CTR9: variants seen among roughly 807,000 people sequenced by gnomAD.
CTR9 encodes RNA polymerase-associated protein CTR9 homolog.
A neutral mutation model predicts 152.1 loss-of-function variants in CTR9; 41 were observed. The observed-to-expected ratio is 0.27, with a 90% CI of 0.21 to 0.35. CTR9 has a LOEUF of 0.35. CTR9 is among the 10% of genes least tolerant of loss of function. The pLI is 1.00. For synonymous variants in CTR9, 476 were observed against 496.2 expected (o/e 0.96, Z 0.54); for missense variants, 917 against 1,424.4 (o/e 0.64, Z 5.73).
At position 10,751,313 on chromosome 11, in the gene CTR9, C is replaced by T. The variant is rs575186238; in HGVS notation, c.-100C>T. The T allele has an allele frequency of 7.7e-7, 1 of 1,304,880 alleles. No homozygotes were observed. The highest frequency in any genetic ancestry group is 2.3e-5 in the East Asian group (1 of 42,986). The allele number at this position is 1,304,880 out of a possible 1,614,324, so 80.8% of individuals were successfully genotyped here. On this transcript the variant is annotated 5_prime_UTR_variant, in exon 1 of 25. Transcript: ENST00000361367. ...CGGCGCCGCGGGGCGGCAGTCAAGA[C>T]CAGAGCCGGAGCCGTCACTCACCTC...
intron 7 of CTR9, among the ~76,000 whole-genome samples, chr11:10,762,358 G>T (rs1443962219): frequency 6.6e-6 from 1 of 152,186 alleles, no homozygotes; most frequent in African/African-American, 2.4e-5. Flanking sequence ...GTAAACAAAT[G>T]TAAGTGTAAA....
intron 3 of CTR9, 66 bp downstream of exon 3, chr11:10,755,263 G>C: frequency 6.6e-7 from 1 of 1,519,082 alleles, no homozygotes; most frequent in Non-Finnish European, 8.8e-7. Flanking sequence ...CAAAATGTGT[G>C]TGATAGCAGA....
chr11:10,772,559 G>C lies in CTR9; in HGVS notation c.2484G>C (p.Val828=), dbSNP rs1284452279. 6.2e-7 allele frequency: 1 copy of C among 1,609,820 alleles called. No homozygotes were observed. The highest frequency in any genetic ancestry group is 8.5e-7 in the Non-Finnish European group (1 of 1,178,040). Reference sequence around the variant, plus strand: ...TACTGAGCCAGGCCCAGTACCATGTGGCCCGGGCACGCAAACAAGATGAAG... The same window carrying C: ...TACTGAGCCAGGCCCAGTACCATGTCGCCCGGGCACGCAAACAAGATGAAG... The part of the protein sequence containing the change: ...SDLLSQAQYH[V]ARARKQDEEE... The change falls in exon 20 of 25, where the codon GTG becomes GTC. Residue 828 remains valine (V), a synonymous_variant. Coordinates refer to ENST00000361367, the MANE Select transcript of CTR9 (RefSeq NM_014633.5).
At chr11:10,756,976 G>A in intron 5 of CTR9, 138 bp downstream of exon 5, 1 of 690,406 alleles carries the variant, frequency 1.4e-6, no homozygotes, top group South Asian at 1.7e-5. Flanking sequence ...TTTTTTTGAT[G>A]CTATGTTTGA....
intron 21 of CTR9, among the ~76,000 whole-genome samples, chr11:10,773,724 A>G (rs1026496736): frequency 6.6e-6 from 1 of 152,036 alleles, no homozygotes; most frequent in African/African-American, 2.4e-5. Flanking sequence ...TCTCTACTAA[A>G]AAGTACAGAA....
rs548627892 is a variant in CTR9, at chr11:10,751,574, G to T, written c.45+117G>T. ...TCCTCCTTCCCTAAGAGCCCTGATC[G>T]AAATACCTGGCCAAGGTCTGATCAT... On this transcript the variant is annotated intron_variant, in intron 1 of 24. Transcript: ENST00000361367. The T allele has an allele frequency of 1.3e-5, 13 of 988,548 alleles. No individual in the cohort carries two copies. In the African/African-American group the frequency reaches 2.1e-4, roughly 16 times the overall value. The allele number at this position is 988,548 out of a possible 1,614,324, so 61.2% of individuals were successfully genotyped here.
intron 5 of CTR9, among the ~76,000 whole-genome samples, chr11:10,759,028 G>A (rs187001577): frequency 2.6e-5 from 4 of 152,230 alleles, no homozygotes; most frequent in Non-Finnish European, 4.4e-5. Flanking sequence ...TCCAAATCCC[G>A]TTATTTAAAA....
chr11:10,769,301 G>C (rs886825333), intron 16 of CTR9, among the ~76,000 whole-genome samples: 3 of 152,182 alleles, frequency 2.0e-5, no homozygotes, highest in African/African-American at 4.8e-5. Flanking sequence ...CATTTGTTGA[G>C]TGCTTGAGCT....
chr11:10,757,545 T>A (rs970600619), intron 5 of CTR9, among the ~76,000 whole-genome samples: 1 of 151,744 alleles, frequency 6.6e-6, no homozygotes, highest in Non-Finnish European at 1.5e-5. Flanking sequence ...GCCACGGCAC[T>A]CCAGCCTGGG....
At chr11:10,769,956 A>G (rs778352652) in intron 16 of CTR9, among the ~76,000 whole-genome samples, 1 of 152,218 alleles carries the variant, frequency 6.6e-6, no homozygotes, top group Admixed American at 6.5e-5. Context: ...CTTTCTTTCA[A>G]TGTTGGTCCA....
In CTR9 at chr11:10,775,577, A is replaced by G; in HGVS notation, c.3039A>G (p.Ile1013Met). The change falls in exon 24 of 25, where the codon ATA (isoleucine) becomes ATG (methionine). Residue 1013 changes from isoleucine (I) to methionine (M), a missense_variant. Physicochemically the swap from Ile to Met is conservative, Grantham distance 10. Coordinates refer to ENST00000361367, the MANE Select transcript of CTR9 (RefSeq NM_014633.5). The stretch of plus-strand genomic sequence containing the variant: ...AGGGAAAAATAAAATCCAAAGCCAT[A>G]ATTTCATCAAGTGATGACTCTTCGG... ...SMKGKIKSKA[I>M]ISSSDDSSDE... 2 of 1,613,906 alleles carry G rather than the reference A, an allele frequency of 1.2e-6. No individual in the cohort carries two copies. Among genetic ancestry groups the G allele is most frequent in the Non-Finnish European group, 1.7e-6 (2 of 1,179,814 alleles).
chr11:10,774,664 G>A (rs531952504), intron 22 of CTR9, among the ~76,000 whole-genome samples: 17 of 152,276 alleles, frequency 1.1e-4, no homozygotes, highest in African/African-American at 2.2e-4. Context: ...TTTCTCATGC[G>A]GAGGTGCCTC....
At position 10,779,162 on chromosome 11, in the gene CTR9, C is replaced by A; in HGVS notation, c.*57C>A. 6.7e-7 allele frequency: 1 copy of A among 1,489,230 alleles called. No homozygotes were observed. The highest frequency in any genetic ancestry group is 1.3e-5 in the South Asian group (1 of 75,554). The allele number at this position is 1,489,230 out of a possible 1,614,324, so 92.3% of individuals were successfully genotyped here. ...AGGAAACTTTTTTAATATATGAAAGCTGTGATAAAAATGTTTCAGATGTTT... is the reference window on the plus strand; with the variant it reads ...AGGAAACTTTTTTAATATATGAAAGATGTGATAAAAATGTTTCAGATGTTT... On this transcript the variant is annotated 3_prime_UTR_variant, in exon 25 of 25. Coordinates refer to ENST00000361367, the MANE Select transcript of CTR9 (RefSeq NM_014633.5).
chr11:10,778,998 GATA>G lies in CTR9; in HGVS notation c.3418_3420del (p.Asn1140del). 6.2e-7 allele frequency: 1 copy of G among 1,614,182 alleles called. No homozygotes were observed. Among genetic ancestry groups the G allele is most frequent in the South Asian group, 1.1e-5 (1 of 91,078 alleles). ...AGATCACGAATCGGAGAGAGGATCTGATAATGAGGGTTCTGGCCAAGGCTCTGG... is the reference window on the plus strand; with the variant it reads ...AGATCACGAATCGGAGAGAGGATCTGATGAGGGTTCTGGCCAAGGCTCTGG... On this transcript the variant is annotated inframe_deletion, in exon 25 of 25. Coordinates refer to ENST00000361367, the MANE Select transcript of CTR9 (RefSeq NM_014633.5).
intron 2 of CTR9, among the ~76,000 whole-genome samples, chr11:10,754,075 T>C (rs1274149277): frequency 6.6e-6 from 1 of 152,222 alleles, no homozygotes; most frequent in African/African-American, 2.4e-5. Context: ...GTCTCTCTAT[T>C]TTGCCCAGGC....
In CTR9 at chr11:10,767,937, C is replaced by T; in HGVS notation, c.1818C>T (p.Ala606=). ...STQSDTYSML[A]LGNVWLQTLH... is the part of the protein sequence containing the mutation. The stretch of plus-strand genomic sequence containing the variant: ...AGAGTGATACCTATTCTATGCTAGC[C>T]CTTGGCAACGTGTGGCTCCAAACTT... The change falls in exon 14 of 25, where the codon GCC becomes GCT. Residue 606 remains alanine (A), a synonymous_variant. Transcript: ENST00000361367. This position sits in a 1 kb window ranked among gnomAD's most constrained non-coding sequence, Gnocchi z 4.0. The T allele has an allele frequency of 6.2e-7, 1 of 1,614,068 alleles. No individual in the cohort carries two copies. Among genetic ancestry groups the T allele is most frequent in the South Asian group, 1.1e-5 (1 of 91,078 alleles).
chr11:10,775,450 T>C, intron 23 of CTR9, 71 bp from the exon 24 acceptor site: 1 of 1,434,150 alleles, frequency 7.0e-7, no homozygotes, highest in Non-Finnish European at 9.7e-7. Context: ...ATCATTGTAA[T>C]GCAAACCCAA....
chr11:10,761,754 A>C (rs1453343442), intron 6 of CTR9, among the ~76,000 whole-genome samples, 193 bp from the exon 7 acceptor site: 5 of 152,200 alleles, frequency 3.3e-5, no homozygotes, highest in East Asian at 1.9e-4. Flanking sequence ...GTGACACACA[A>C]AAAAATTAAG....
intron 9 of CTR9, 23 bp downstream of exon 9, chr11:10,763,902 T>C (rs370226943): frequency 7.7e-5 from 119 of 1,555,472 alleles, no homozygotes; most frequent in Non-Finnish European, 1.0e-4. Flanking sequence ...TTTAAAGTCT[T>C]AGCTGTTTTC....
Sources: allele counts gnomAD v4.1 joint callset (sites outside exome capture counted in the v4.1 genomes callset), GRCh38; gene constraint gnomAD v4.1.1; non-coding constraint Gnocchi (gnomAD v3.1); transcripts MANE v1.5; gene names NCBI Gene and HGNC (gene_info 2026-07-23, HGNC 2026-07-21).